NXPH2: variants seen among roughly 807,000 people sequenced by gnomAD.
The protein encoded by NXPH2 is neurexophilin 2.
Under a neutral mutation model 19.8 loss-of-function variants are expected in NXPH2, and 5 were observed. The observed-to-expected ratio is 0.25, with a 90% confidence interval of 0.13 to 0.53. The LOEUF is 0.53. Ranked by LOEUF, NXPH2 falls within the 20% of genes least tolerant of loss-of-function variation. NXPH2 has a pLI of 0.96. For synonymous variants in NXPH2, 154 were observed against 127.4 expected, an observed-to-expected ratio of 1.21 and a Z score of -1.41; for missense variants, 289 against 322.8, an observed-to-expected ratio of 0.90 and a Z score of 0.80.
intron 1 of NXPH2, among the ~76,000 whole-genome samples, chr2:138,729,572 T>TA (rs1256874055): frequency 6.6e-6 from 1 of 152,230 alleles, no homozygotes; most frequent in Admixed American, 6.5e-5. Context: ...TTTAGCCTTC[T>TA]AAAATCTTCC....
intron 1 of NXPH2, among the ~76,000 whole-genome samples, chr2:138,767,213 C>T (rs562802470): frequency 2.6e-5 from 4 of 152,218 alleles, no homozygotes; most frequent in Non-Finnish European, 5.9e-5. Flanking sequence ...GCTGATATAA[C>T]GTCAGTGGAA....
At chr2:138,755,145 C>T (rs2104835633) in intron 1 of NXPH2, among the ~76,000 whole-genome samples, 1 of 151,950 alleles carries the variant, frequency 6.6e-6, no homozygotes, top group East Asian at 1.9e-4. Flanking sequence ...CAGTATACGG[C>T]TTATCTTTTC....
chr2:138,756,057 T>C (rs1367131166), intron 1 of NXPH2, among the ~76,000 whole-genome samples: 1 of 151,788 alleles, frequency 6.6e-6, no homozygotes, highest in Non-Finnish European at 1.5e-5. Flanking sequence ...ATTCCAGGAG[T>C]TTTTATTGTT....
chr2:138,742,571 C>G (rs1252061494), intron 1 of NXPH2, among the ~76,000 whole-genome samples: 1 of 152,088 alleles, frequency 6.6e-6, no homozygotes, highest in Non-Finnish European at 1.5e-5. Context: ...TGTCCGGTAA[C>G]AGCAGTAGAT....
chr2:138,747,276 C>A (rs1046340721), intron 1 of NXPH2, among the ~76,000 whole-genome samples: 1 of 152,096 alleles, frequency 6.6e-6, no homozygotes, highest in East Asian at 1.9e-4. Flanking sequence ...GCCCAGTGAA[C>A]CTTGCTGGAT....
At chr2:138,723,551 T>C (rs1351588557) in intron 1 of NXPH2, among the ~76,000 whole-genome samples, 2 of 152,226 alleles carry the variant, frequency 1.3e-5, no homozygotes, top group African/African-American at 4.8e-5. Flanking sequence ...TCTATCTCCA[T>C]GTGGAACCCT....
At chr2:138,770,980 T>A (rs34461135) in intron 1 of NXPH2, among the ~76,000 whole-genome samples, 6,909 of 151,834 alleles carry the variant, frequency 0.046, 186 homozygotes, top group Non-Finnish European at 0.052. Flanking sequence ...TTGTCAAAAA[T>A]TTTTTTTTAA....
chr2:138,687,373 A>T (rs1680675996), intron 1 of NXPH2, among the ~76,000 whole-genome samples: 1 of 152,124 alleles, frequency 6.6e-6, no homozygotes, highest in Non-Finnish European at 1.5e-5. Context: ...GTCTGTTCAT[A>T]TACTTCACCG....
At chr2:138,731,613 G>A (rs1339761224) in intron 1 of NXPH2, among the ~76,000 whole-genome samples, 1 of 152,082 alleles carries the variant, frequency 6.6e-6, no homozygotes, top group Non-Finnish European at 1.5e-5. Context: ...ACCATGCTGA[G>A]CTTTAATCTG....
At chr2:138,736,414 C>A (rs1447103491) in intron 1 of NXPH2, among the ~76,000 whole-genome samples, 1 of 152,232 alleles carries the variant, frequency 6.6e-6, no homozygotes, top group Non-Finnish European at 1.5e-5. Flanking sequence ...GGCTTGCAAC[C>A]TCTGAAGCCA....
chr2:138,746,421 AG>A (rs11313818), intron 1 of NXPH2, among the ~76,000 whole-genome samples: 2,457 of 152,288 alleles, frequency 0.016, 74 homozygotes, highest in African/African-American at 0.056. Context: ...AACTGGCCAA[AG>A]CTTTCCATGC....
At chr2:138,740,155 C>T (rs1681620885) in intron 1 of NXPH2, among the ~76,000 whole-genome samples, 1 of 152,132 alleles carries the variant, frequency 6.6e-6, no homozygotes, top group African/African-American at 2.4e-5. Flanking sequence ...AATGACCTGG[C>T]CACAGGAGAT....
chr2:138,686,805 GT>G (rs918897479), intron 1 of NXPH2, among the ~76,000 whole-genome samples: 2 of 151,618 alleles, frequency 1.3e-5, no homozygotes, highest in Admixed American at 6.6e-5. Flanking sequence ...TGCGGTGTTT[GT>G]TTTTTTTGTC....
chr2:138,754,795 C>T (rs1681881231), intron 1 of NXPH2, among the ~76,000 whole-genome samples: 1 of 152,112 alleles, frequency 6.6e-6, no homozygotes, highest in Non-Finnish European at 1.5e-5. Context: ...AGTCAAGCTA[C>T]ATCCCAAAAT....
At chr2:138,710,373 G>T (rs1373479386) in intron 1 of NXPH2, among the ~76,000 whole-genome samples, 1 of 152,130 alleles carries the variant, frequency 6.6e-6, no homozygotes, top group Admixed American at 6.5e-5. Flanking sequence ...ATGAAGATTG[G>T]TATAAAAGTA....
At chr2:138,735,847 C>T (rs903935289) in intron 1 of NXPH2, among the ~76,000 whole-genome samples, 5 of 152,198 alleles carry the variant, frequency 3.3e-5, no homozygotes, top group Non-Finnish European at 5.9e-5. Flanking sequence ...GTAGATACAG[C>T]CATTCCAAAT....
At chr2:138,701,081 C>T (rs1680915267) in intron 1 of NXPH2, among the ~76,000 whole-genome samples, 1 of 152,104 alleles carries the variant, frequency 6.6e-6, no homozygotes, top group South Asian at 2.1e-4. Flanking sequence ...AAAGCGAAAG[C>T]AATCAAATAG....
In NXPH2 at chr2:138,739,411, A is replaced by G. The variant is rs559782481; in HGVS notation, c.51+40780T>C. ...AGTTACTAGTTGGGATGATCAGGAA[A>G]GTCTTCATATGAGAAGCAGCAATGA... On this transcript the variant is annotated intron_variant, in intron 1 of 1. Transcript: ENST00000272641. Among the ~76,000 whole-genome samples, 16 of 152,350 alleles carry G rather than the reference A, an allele frequency of 1.1e-4. No individual in the cohort carries two copies. In the South Asian group the frequency reaches 3.3e-3, roughly 32 times the overall value.
intron 1 of NXPH2, among the ~76,000 whole-genome samples, chr2:138,704,019 G>A (rs944733547): frequency 3.9e-5 from 6 of 152,140 alleles, no homozygotes; most frequent in Non-Finnish European, 7.3e-5. Context: ...TGATTTGAAC[G>A]TATGTGAATT....
Sources: allele counts gnomAD v4.1 joint callset (sites outside exome capture counted in the v4.1 genomes callset), GRCh38; gene constraint gnomAD v4.1.1; transcripts MANE v1.5; gene names NCBI Gene and HGNC (gene_info 2026-07-23, HGNC 2026-07-21).